The following ZNRF1 variants were observed in gnomAD, a reference collection of about 807,000 sequenced individuals.
ZNRF1 encodes the protein zinc and ring finger 1.
In ZNRF1, 3 loss-of-function variants were observed where a neutral mutation model predicts 18.4. The observed-to-expected ratio is 0.16, with a 90% CI of 0.07 to 0.42. The LOEUF (loss-of-function observed/expected upper bound fraction) is 0.42, where lower values mean the gene tolerates loss of function less well. Among genes scored for constraint, ZNRF1 ranks in the 10% least tolerant of loss-of-function variants. The pLI is 0.99. For synonymous variants in ZNRF1, 157 were observed against 144.2 expected (o/e 1.09, Z -0.64); for missense variants, 310 against 329.8 (o/e 0.94, Z 0.47).
intron 3 of ZNRF1, chr16:75,106,070 T>G: frequency 5.6e-6 from 1 of 179,658 alleles, no homozygotes. Context: ...GCCGTGGCCC[T>G]CCTGCCATGC....
At chr16:75,039,102 G>A (rs1023740262) in intron 1 of ZNRF1, among the ~76,000 whole-genome samples, 1 of 152,094 alleles carries the variant, frequency 6.6e-6, no homozygotes, top group Non-Finnish European at 1.5e-5. Flanking sequence ...TATCAGAATT[G>A]TGCAGAATTA....
chr16:75,005,866 A>G (rs2145316787), intron 1 of ZNRF1, among the ~76,000 whole-genome samples: 1 of 152,290 alleles, frequency 6.6e-6, no homozygotes, highest in South Asian at 2.1e-4. Context: ...GAAATGGGTC[A>G]TTAAGGGATT....
At chr16:75,039,479 G>A (rs1008199361) in intron 1 of ZNRF1, among the ~76,000 whole-genome samples, 1 of 152,132 alleles carries the variant, frequency 6.6e-6, no homozygotes, top group Non-Finnish European at 1.5e-5. Context: ...AAAATCCTTG[G>A]AGTTAATGGT....
At chr16:75,085,959 A>G (rs2036069120) in intron 1 of ZNRF1, among the ~76,000 whole-genome samples, 1 of 152,016 alleles carries the variant, frequency 6.6e-6, no homozygotes. Flanking sequence ...TTCCAGTTCG[A>G]GTTTGAAGGC....
chr16:75,030,938 T>G (rs1040415478), intron 1 of ZNRF1, among the ~76,000 whole-genome samples: 2 of 148,956 alleles, frequency 1.3e-5, no homozygotes, highest in Non-Finnish European at 3.0e-5. Context: ...CCTCCCGGGT[T>G]CAAGCAATTC....
intron 1 of ZNRF1, among the ~76,000 whole-genome samples, chr16:75,060,960 G>A (rs543273373): frequency 6.6e-5 from 10 of 152,038 alleles, no homozygotes; most frequent in Non-Finnish European, 1.3e-4. Context: ...CCCCTTCAGG[G>A]GACACTAACG....
intron 1 of ZNRF1, chr16:75,002,309 C>G (rs2034862061): frequency 3.3e-5 from 5 of 152,248 alleles, no homozygotes; most frequent in Admixed American, 3.3e-4. Flanking sequence ...TCCAGGACAT[C>G]TGTTTCCTCT....
chr16:75,054,749 G>C (rs1343138528), intron 1 of ZNRF1, among the ~76,000 whole-genome samples: 1 of 152,212 alleles, frequency 6.6e-6, no homozygotes, highest in Non-Finnish European at 1.5e-5. Flanking sequence ...AATCCTCCTG[G>C]GAGATTGGCC....
At chr16:75,103,177 G>T (rs550609517) in intron 2 of ZNRF1, among the ~76,000 whole-genome samples, 1 of 152,104 alleles carries the variant, frequency 6.6e-6, no homozygotes, top group African/African-American at 2.4e-5. Flanking sequence ...ATTCACTGTC[G>T]CCGGCACGCA....
chr16:75,001,354 A>G (rs547913798), intron 1 of ZNRF1, among the ~76,000 whole-genome samples: 3 of 152,148 alleles, frequency 2.0e-5, no homozygotes, highest in African/African-American at 7.2e-5. Context: ...TTTGTGAAAT[A>G]GTGTTGGGGG....
chr16:75,039,520 A>G (rs528160148), intron 1 of ZNRF1, among the ~76,000 whole-genome samples: 48 of 152,364 alleles, frequency 3.2e-4, no homozygotes, highest in Non-Finnish European at 5.3e-4. Flanking sequence ...ATGGAGTACT[A>G]AACCATGAGA....
chr16:75,021,342 C>T (rs2035145137), intron 1 of ZNRF1, among the ~76,000 whole-genome samples: 1 of 152,160 alleles, frequency 6.6e-6, no homozygotes, highest in Admixed American at 6.5e-5. Context: ...CTGGCCTTCC[C>T]CTTTGCTTTT....
intron 1 of ZNRF1, among the ~76,000 whole-genome samples, chr16:75,031,052 C>T (rs1369064832): frequency 3.3e-5 from 5 of 151,324 alleles, no homozygotes; most frequent in Admixed American, 2.0e-4. Flanking sequence ...TAACCAGGCT[C>T]GTCTTGAACG....
intron 1 of ZNRF1, among the ~76,000 whole-genome samples, chr16:75,008,343 G>A (rs559657011): frequency 1.3e-5 from 2 of 152,320 alleles, no homozygotes; most frequent in South Asian, 4.1e-4. Context: ...GCCTTGGTCT[G>A]AGAATTGAAG....
chr16:75,098,959 AG>A (rs950779466), intron 2 of ZNRF1, among the ~76,000 whole-genome samples: 8 of 152,154 alleles, frequency 5.3e-5, no homozygotes, highest in African/African-American at 1.9e-4. Flanking sequence ...GGTGGAGGGC[AG>A]GTGTGTGTCT....
intron 1 of ZNRF1, among the ~76,000 whole-genome samples, chr16:75,019,971 A>G (rs1307977752): frequency 6.6e-6 from 1 of 152,190 alleles, no homozygotes; most frequent in African/African-American, 2.4e-5. Context: ...TTGGCCTCCC[A>G]AAGTGCTGGG....
chr16:75,025,562 A>G (rs2035211149), intron 1 of ZNRF1, among the ~76,000 whole-genome samples: 1 of 152,144 alleles, frequency 6.6e-6, no homozygotes, highest in Non-Finnish European at 1.5e-5. Flanking sequence ...TAAGACTACC[A>G]CAGGAAAGAT....
intron 2 of ZNRF1, among the ~76,000 whole-genome samples, chr16:75,103,633 G>A (rs1208468049): frequency 6.6e-6 from 1 of 152,156 alleles, no homozygotes; most frequent in African/African-American, 2.4e-5. Flanking sequence ...TACACTTGAA[G>A]ATTTGTTAAG....
intron 1 of ZNRF1, among the ~76,000 whole-genome samples, chr16:75,004,803 A>G (rs1000393370): frequency 1.4e-4 from 22 of 152,014 alleles, no homozygotes; most frequent in Admixed American, 6.6e-4. Context: ...TTTTGTAGAG[A>G]TGAGGTCTCA....
Sources: gnomAD v4.1 joint callset for allele counts (sites outside exome capture counted in the v4.1 genomes callset) on GRCh38, gnomAD v4.1.1 for gene constraint, MANE v1.5 for transcripts, NCBI Gene and HGNC (gene_info 2026-07-23, HGNC 2026-07-21) for gene names.